MTHFD1L: variants seen among roughly 807,000 people sequenced by gnomAD.
The protein encoded by MTHFD1L is methylenetetrahydrofolate dehydrogenase (NADP+ dependent) 1 like, also known as monofunctional C1-tetrahydrofolate synthase, mitochondrial.
Under a neutral mutation model 119.5 loss-of-function variants are expected in MTHFD1L, and 81 were observed. The ratio of observed to expected loss-of-function variants is 0.68; its 90% CI spans 0.57 to 0.82. The LOEUF is 0.82. Among genes scored for constraint, MTHFD1L ranks in the 40% least tolerant of loss-of-function variants. The pLI is 0.00. For missense variants in MTHFD1L, 1,125 were observed against 1,253.4 expected (o/e 0.90, Z 1.55); for synonymous variants, 430 against 475.2 (o/e 0.90, Z 1.24).
At chr6:151,060,803 T>TCAGGACTTTATTCTG (rs377630029) in intron 26 of MTHFD1L, among the ~76,000 whole-genome samples, 4,890 of 151,954 alleles carry the variant, frequency 0.032, 154 homozygotes, top group Admixed American at 0.099. Context: ...AGCTTAGGAG[T>TCAGGACTTTATTCTG]CAGGACCTGG....
intron 20 of MTHFD1L, among the ~76,000 whole-genome samples, chr6:150,996,447 G>A (rs1183319170): frequency 6.6e-6 from 1 of 152,066 alleles, no homozygotes; most frequent in Non-Finnish European, 1.5e-5. Context: ...GGTATTACAG[G>A]TGTGAGCCAC....
chr6:151,066,628 GGTGGCAGGCGCCT>G (rs1319893653), intron 26 of MTHFD1L, among the ~76,000 whole-genome samples: 1 of 151,596 alleles, frequency 6.6e-6, no homozygotes, highest in African/African-American at 2.4e-5. Context: ...AGCCAGGCGT[GGTGGCAGGCGCCT>G]GTTGTCCCAG....
intron 11 of MTHFD1L, chr6:150,934,965 G>A (rs1791801960): frequency 1.4e-5 from 22 of 1,529,880 alleles, no homozygotes; most frequent in South Asian, 7.9e-5. Flanking sequence ...TTTGCACCTG[G>A]AAATGGGGAA....
chr6:151,003,665 T>A (rs1008494760), intron 20 of MTHFD1L, among the ~76,000 whole-genome samples: 2 of 152,342 alleles, frequency 1.3e-5, no homozygotes, highest in South Asian at 2.1e-4. Flanking sequence ...GGCACACAGA[T>A]GATTGTGTGT....
At chr6:150,956,927 CACAA>C (rs1003481598) in intron 17 of MTHFD1L, among the ~76,000 whole-genome samples, 35 of 152,150 alleles carry the variant, frequency 2.3e-4, no homozygotes, top group African/African-American at 7.2e-4. Context: ...CACACACACA[CACAA>C]ACAGATTTCA....
At chr6:150,873,086 G>A (rs1779810255) in intron 1 of MTHFD1L, among the ~76,000 whole-genome samples, 1 of 152,122 alleles carries the variant, frequency 6.6e-6, no homozygotes, top group Admixed American at 6.5e-5. Flanking sequence ...GGAGGCCTAG[G>A]TGGGCGGATC....
intron 20 of MTHFD1L, among the ~76,000 whole-genome samples, chr6:150,987,076 A>C (rs1452734983): frequency 6.6e-6 from 1 of 152,212 alleles, no homozygotes; most frequent in Non-Finnish European, 1.5e-5. Context: ...TTTTAATGTT[A>C]AAGTCTTATT....
intron 26 of MTHFD1L, among the ~76,000 whole-genome samples, chr6:151,066,864 G>A (rs1040618442): frequency 6.6e-6 from 1 of 152,060 alleles, no homozygotes; most frequent in African/African-American, 2.4e-5. Flanking sequence ...GTCCTGTCAA[G>A]GATAAGCTCT....
chr6:151,097,997 A>C (rs1344760986), intron 27 of MTHFD1L, among the ~76,000 whole-genome samples: 1 of 152,018 alleles, frequency 6.6e-6, no homozygotes, highest in East Asian at 1.9e-4. Flanking sequence ...AACATGGCAA[A>C]ACCCTGTCCC....
Position 151,039,644 on chromosome 6 carries a change from C to T in MTHFD1L, c.2847+2527C>T, listed in dbSNP as rs1042582281. Among the ~76,000 whole-genome samples the T allele has an allele frequency of 1.2e-4, 18 of 152,088 alleles. No homozygotes were observed. The highest frequency in any genetic ancestry group is 3.1e-4 in the African/African-American group (13 of 41,414). On this transcript the variant is annotated intron_variant, in intron 26 of 27. Coordinates refer to ENST00000367321, the MANE Select transcript of MTHFD1L (RefSeq NM_015440.5). The surrounding 1 kb of genome is among the most constrained non-coding windows in gnomAD (Gnocchi z 4.4). The stretch of plus-strand genomic sequence containing the variant: ...TAGAATGGCCTCAGTCAGCCGGGTG[C>T]GGTGGCTCACGCCTGTAATCCCAGC...
intron 2 of MTHFD1L, 128 bp from the exon 3 acceptor site, chr6:150,877,506 T>A (rs1780641783): frequency 2.0e-6 from 2 of 1,024,320 alleles, no homozygotes; most frequent in Non-Finnish European, 2.9e-6. Context: ...GCAGCAAGAT[T>A]GTTTTTCTGC....
At chr6:150,898,478 G>A (rs1286742139) in intron 7 of MTHFD1L, among the ~76,000 whole-genome samples, 1 of 152,184 alleles carries the variant, frequency 6.6e-6, no homozygotes, top group Non-Finnish European at 1.5e-5. Flanking sequence ...GCAATGTGAG[G>A]CTCAGAACTG....
chr6:150,913,390 C>A (rs2128873108), intron 8 of MTHFD1L, among the ~76,000 whole-genome samples: 1 of 152,110 alleles, frequency 6.6e-6, no homozygotes, highest in South Asian at 2.1e-4. Flanking sequence ...TGGTCTCGAT[C>A]TCCTGACCTG....
rs567223986 is a variant in MTHFD1L at position 150,957,974 on chromosome 6, A to G, written c.1803+1903A>G. Among the ~76,000 whole-genome samples the G allele has an allele frequency of 2.9e-3, 439 of 152,258 alleles. 1 individual carries two copies. Among genetic ancestry groups the G allele is most frequent in the Non-Finnish European group, 5.2e-3 (352 of 67,962 alleles). On this transcript the variant is annotated intron_variant, in intron 17 of 27. Coordinates refer to ENST00000367321, the MANE Select transcript of MTHFD1L (RefSeq NM_015440.5). The stretch of plus-strand genomic sequence containing the variant: ...CTGCATAGTTTTTTACTGTTTAGGT[A>G]CTGGAGAGATGGAAGATTCACAGTG...
At chr6:151,035,101 C>A (rs1445237462) in intron 25 of MTHFD1L, among the ~76,000 whole-genome samples, 1 of 152,176 alleles carries the variant, frequency 6.6e-6, no homozygotes, top group African/African-American at 2.4e-5. Context: ...TTTTACTGAG[C>A]TTGTCCGCTG....
chr6:151,089,067 T>A (rs1179814290), intron 26 of MTHFD1L, among the ~76,000 whole-genome samples: 1 of 152,156 alleles, frequency 6.6e-6, no homozygotes, highest in Non-Finnish European at 1.5e-5. Context: ...GAATTTACAC[T>A]GCCTCATCTG....
chr6:150,926,373 C>A lies in MTHFD1L; in HGVS notation c.1256+78C>A, dbSNP rs910867565. ...TTCCCTATTTATCTCTCTCCTCGTA[C>A]CCCTCAATCCATCCTATTCTCACAT... is the stretch of plus-strand genomic sequence containing the variant. On this transcript the variant is annotated intron_variant, in intron 11 of 27. Coordinates refer to ENST00000367321, the MANE Select transcript of MTHFD1L (RefSeq NM_015440.5). The surrounding 1 kb of genome is among the most constrained non-coding windows in gnomAD (Gnocchi z 4.3). 18 of 1,243,922 alleles carry A rather than the reference C, an allele frequency of 1.4e-5. No individual in the cohort carries two copies. The African/African-American group carries it at 2.4e-4, about 17-fold the overall frequency. 77.1% of individuals were successfully genotyped at this position (1,243,922 alleles called of 1,614,324 possible).
At chr6:151,033,091 A>C (rs1310133041) in intron 24 of MTHFD1L, among the ~76,000 whole-genome samples, 1 of 151,646 alleles carries the variant, frequency 6.6e-6, no homozygotes, top group Non-Finnish European at 1.5e-5. Flanking sequence ...CCAAACAGTA[A>C]ATCCACTAAT....
chr6:150,961,898 A>T (rs1323008279), intron 18 of MTHFD1L, among the ~76,000 whole-genome samples: 1 of 152,220 alleles, frequency 6.6e-6, no homozygotes, highest in African/African-American at 2.4e-5. Context: ...TCTGTATTTT[A>T]TTAATTTGTA....
Sources: allele counts gnomAD v4.1 joint callset (sites outside exome capture counted in the v4.1 genomes callset), GRCh38; gene constraint gnomAD v4.1.1; non-coding constraint Gnocchi (gnomAD v3.1); transcripts MANE v1.5; gene names NCBI Gene and HGNC (gene_info 2026-07-23, HGNC 2026-07-21).